SLC16A7: variants seen among roughly 807,000 people sequenced by gnomAD.
SLC16A7 encodes solute carrier family 16 member 7.
SLC16A7 carries 33 observed loss-of-function variants against 34.9 expected under a neutral mutation model. That is an observed-to-expected ratio of 0.94 (90% CI 0.72 to 1.26). SLC16A7 has a LOEUF of 1.26. Ranked by LOEUF, SLC16A7 falls within the 50% of genes most tolerant of loss-of-function variation. SLC16A7 has a pLI of 0.00. For missense variants in SLC16A7, 573 were observed against 578.1 expected (o/e 0.99, Z 0.09); for synonymous variants, 201 against 206.6 (o/e 0.97, Z 0.23).
chr12:59,675,830 C>T (rs1011214984), intron 2 of SLC16A7, among the ~76,000 whole-genome samples: 10 of 152,198 alleles, frequency 6.6e-5, no homozygotes, highest in African/African-American at 2.4e-4. Context: ...TTAGCACTTC[C>T]ACTTTCCACA....
chr12:59,637,228 A>T lies in SLC16A7; in HGVS notation c.-129-17924A>T, dbSNP rs185877092. On this transcript the variant is annotated intron_variant, in intron 1 of 5. Coordinates refer to ENST00000547379, the MANE Select transcript of SLC16A7 (RefSeq NM_001270623.2). Reference sequence around the variant, plus strand: ...ACATGTCACACATATTTAAATTTTTAAAAAGTACCTAAATTTAAGATACCA... The same window carrying T: ...ACATGTCACACATATTTAAATTTTTTAAAAGTACCTAAATTTAAGATACCA... Among the ~76,000 whole-genome samples the T allele has an allele frequency of 1.6e-3, 243 of 152,246 alleles. 1 individual carries two copies. The highest frequency in any genetic ancestry group is 5.6e-3 in the African/African-American group (231 of 41,574).
intron 1 of SLC16A7, among the ~76,000 whole-genome samples, chr12:59,630,364 T>C (rs1269968682): frequency 6.6e-6 from 1 of 151,864 alleles, no homozygotes; most frequent in Non-Finnish European, 1.5e-5. Flanking sequence ...TTAGACACAG[T>C]TGGAAGATCA....
intron 2 of SLC16A7, among the ~76,000 whole-genome samples, chr12:59,676,440 A>G (rs1251482365): frequency 2.0e-5 from 3 of 151,670 alleles, no homozygotes; most frequent in East Asian, 3.9e-4. Context: ...ATTTTTTTTT[A>G]ATTGTAGCTA....
intron 3 of SLC16A7, among the ~76,000 whole-genome samples, chr12:59,755,205 T>C (rs1880157613): frequency 1.3e-5 from 2 of 152,286 alleles, no homozygotes; most frequent in Admixed American, 1.3e-4. Flanking sequence ...AAGACAGGGA[T>C]GCCCTCTCTC....
intron 3 of SLC16A7, among the ~76,000 whole-genome samples, chr12:59,738,375 G>C (rs1245872204): frequency 6.6e-6 from 1 of 152,128 alleles, no homozygotes; most frequent in East Asian, 1.9e-4. Flanking sequence ...TGAAATACAA[G>C]TACAAATCTA....
At chr12:59,686,326 A>G (rs1395125214) in intron 2 of SLC16A7, among the ~76,000 whole-genome samples, 1 of 152,064 alleles carries the variant, frequency 6.6e-6, no homozygotes, top group Non-Finnish European at 1.5e-5. Flanking sequence ...GGGACTCAGA[A>G]TACTAAGTTC....
intron 2 of SLC16A7, among the ~76,000 whole-genome samples, chr12:59,683,749 A>G (rs1178556665): frequency 1.1e-4 from 16 of 152,206 alleles, no homozygotes. Context: ...GATAGATAAT[A>G]TAATGGGGGG....
rs980792277 is a variant in SLC16A7, at chr12:59,648,481, C to G, written c.-129-6671C>G. Among the ~76,000 whole-genome samples, 5 of 151,782 alleles carry G rather than the reference C, an allele frequency of 3.3e-5. No homozygotes were observed. The East Asian group carries it at 9.7e-4, about 29-fold the overall frequency. Reference sequence around the variant, plus strand: ...GTTGCCACATTTAAACCTTTTTTTTCTATGAGGAATAAATATTGTTGCCAC... The same window carrying G: ...GTTGCCACATTTAAACCTTTTTTTTGTATGAGGAATAAATATTGTTGCCAC... On this transcript the variant is annotated intron_variant, in intron 1 of 5. Coordinates refer to ENST00000547379, the MANE Select transcript of SLC16A7 (RefSeq NM_001270623.2).
At position 59,692,417 on chromosome 12, in the gene SLC16A7, G is replaced by C. The variant is rs142134757; in HGVS notation, c.-30-12355G>C. On this transcript the variant is annotated intron_variant, in intron 2 of 5. Coordinates refer to ENST00000547379, the MANE Select transcript of SLC16A7 (RefSeq NM_001270623.2). ...ATAACTTTTTACACACAATTCTGCCGTTTGAGTATATCTTGTCCGAAATGC... is the reference window on the plus strand; with the variant it reads ...ATAACTTTTTACACACAATTCTGCCCTTTGAGTATATCTTGTCCGAAATGC... 1.4e-3 allele frequency among the ~76,000 whole-genome samples: 210 copies of C among 152,048 alleles called. 1 individual carries two copies. The highest frequency in any genetic ancestry group is 6.8e-3 in the Middle Eastern group (2 of 294).
chr12:59,734,223 C>G (rs1358115751), intron 3 of SLC16A7: 1 of 185,968 alleles, frequency 5.4e-6, no homozygotes, highest in Non-Finnish European at 1.1e-5. Flanking sequence ...GAGCTGCCCT[C>G]AGCTCCCCTG....
intron 1 of SLC16A7, among the ~76,000 whole-genome samples, chr12:59,625,356 C>T (rs371382906): frequency 3.3e-4 from 50 of 151,846 alleles, no homozygotes; most frequent in Middle Eastern, 3.4e-3. Flanking sequence ...ATTCTTAACA[C>T]AGAAAATAAA....
chr12:59,671,819 G>A (rs904268436), intron 2 of SLC16A7, among the ~76,000 whole-genome samples: 1 of 138,914 alleles, frequency 7.2e-6, no homozygotes, highest in African/African-American at 2.7e-5. Context: ...GTATATATAT[G>A]TGTATATGTA....
intron 2 of SLC16A7, among the ~76,000 whole-genome samples, chr12:59,663,683 A>C (rs1868977941): frequency 6.6e-6 from 1 of 152,096 alleles, no homozygotes; most frequent in Admixed American, 6.6e-5. Context: ...ACCTCAGTTT[A>C]TGTCTGATTT....
intron 1 of SLC16A7, among the ~76,000 whole-genome samples, chr12:59,645,005 A>T (rs1880846589): frequency 1.3e-5 from 2 of 152,214 alleles, no homozygotes; most frequent in Non-Finnish European, 2.9e-5. Context: ...AAACATTATG[A>T]GCCTTCCCTA....
chr12:59,652,604 C>A (rs1868360895), intron 1 of SLC16A7, among the ~76,000 whole-genome samples: 1 of 151,780 alleles, frequency 6.6e-6, no homozygotes, highest in African/African-American at 2.4e-5. Context: ...CTATTTCCTA[C>A]CTGATAATTG....
In SLC16A7 at chr12:59,782,228, A is replaced by T. The variant is rs757250455; in HGVS notation, c.*2549A>T. The T allele has an allele frequency of 6.6e-6, 1 of 152,206 alleles. No homozygotes were observed. Among genetic ancestry groups the T allele is most frequent in the Non-Finnish European group, 1.5e-5 (1 of 68,034 alleles). 9.4% of individuals were successfully genotyped at this position (152,206 alleles called of 1,614,324 possible). ...ATATTGACAGTTAAACCAGAACACA[A>T]TTGAAACAGTGACATAAATACCTAC... On this transcript the variant is annotated 3_prime_UTR_variant, in exon 6 of 6. Transcript: ENST00000547379.
intron 3 of SLC16A7, among the ~76,000 whole-genome samples, chr12:59,740,834 C>G (rs570993318): frequency 1.6e-3 from 236 of 152,220 alleles, no homozygotes; most frequent in African/African-American, 5.5e-3. Context: ...CCCAAAATCT[C>G]CTTAAGCTGA....
intron 2 of SLC16A7, among the ~76,000 whole-genome samples, chr12:59,679,633 A>G (rs1426571622): frequency 6.6e-6 from 1 of 152,148 alleles, no homozygotes; most frequent in African/African-American, 2.4e-5. Flanking sequence ...TCTACTTTAT[A>G]ATTACCTCCT....
intron 2 of SLC16A7, among the ~76,000 whole-genome samples, chr12:59,677,642 A>T (rs1389828739): frequency 6.6e-6 from 1 of 152,168 alleles, no homozygotes; most frequent in African/African-American, 2.4e-5. Flanking sequence ...TTTCTAGATT[A>T]CTTGCAGTAG....
Sources: gnomAD v4.1 joint callset for allele counts (sites outside exome capture counted in the v4.1 genomes callset) on GRCh38, gnomAD v4.1.1 for gene constraint, MANE v1.5 for transcripts, NCBI Gene and HGNC (gene_info 2026-07-23, HGNC 2026-07-21) for gene names.